ATP6V0E1: variants seen among roughly 807,000 people sequenced by gnomAD.
ATP6V0E1 encodes ATPase H+ transporting V0 subunit e1.
Under a neutral mutation model 11.6 loss-of-function variants are expected in ATP6V0E1, and 4 were observed. That is an observed-to-expected ratio of 0.35 (90% CI 0.17 to 0.79). The LOEUF (loss-of-function observed/expected upper bound fraction) is 0.79. ATP6V0E1 is among the 30% of genes least tolerant of loss of function. The pLI, the probability that ATP6V0E1 is intolerant of heterozygous loss-of-function variation, is 0.54. For missense variants in ATP6V0E1, 105 were observed against 100.0 expected (o/e 1.05, Z -0.21); for synonymous variants, 36 against 34.8 (o/e 1.04, Z -0.13).
chr5:172,988,314 C>T (rs1755928712), intron 1 of ATP6V0E1, among the ~76,000 whole-genome samples: 1 of 152,192 alleles, frequency 6.6e-6, no homozygotes, highest in Non-Finnish European at 1.5e-5. Flanking sequence ...GCTTTTCCTG[C>T]TCTTGGTTGG....
At chr5:173,024,421 A>T (rs567686240) in intron 3 of ATP6V0E1, among the ~76,000 whole-genome samples, 3 of 151,404 alleles carry the variant, frequency 2.0e-5, no homozygotes, top group Non-Finnish European at 4.4e-5. Flanking sequence ...TGTCTGTGAG[A>T]ACCTGTTTAG....
At chr5:173,032,338 A>G (rs568197390) in intron 3 of ATP6V0E1, among the ~76,000 whole-genome samples, 41 of 150,458 alleles carry the variant, frequency 2.7e-4, no homozygotes, top group Admixed American at 1.6e-3. Flanking sequence ...CCCAGGCTGG[A>G]GTCCAATGGT....
At chr5:173,029,466 A>C (rs1440537834) in intron 3 of ATP6V0E1, among the ~76,000 whole-genome samples, 1 of 151,776 alleles carries the variant, frequency 6.6e-6, no homozygotes, top group Non-Finnish European at 1.5e-5. Context: ...TTCCTCCTTC[A>C]GGCACCCTGA....
chr5:173,017,951 G>C (rs561621449), intron 2 of ATP6V0E1, among the ~76,000 whole-genome samples: 41 of 152,050 alleles, frequency 2.7e-4, no homozygotes, highest in Admixed American at 1.6e-3. Flanking sequence ...CAGATTGGTA[G>C]TTGGAGGTTG....
intron 2 of ATP6V0E1, among the ~76,000 whole-genome samples, chr5:172,996,436 C>A (rs926019223): frequency 6.6e-6 from 1 of 151,990 alleles, no homozygotes; most frequent in South Asian, 2.1e-4. Flanking sequence ...GTGGCGCACA[C>A]CTGTAGTCCC....
chr5:173,028,906 A>G (rs1756601295), intron 3 of ATP6V0E1, among the ~76,000 whole-genome samples: 1 of 152,182 alleles, frequency 6.6e-6, no homozygotes, highest in Non-Finnish European at 1.5e-5. Flanking sequence ...TGCTGCTACC[A>G]TGGAATCTCC....
At position 172,986,331 on chromosome 5, in the gene ATP6V0E1, A is replaced by G. The variant is rs996752767; in HGVS notation, c.104+2367A>G. Among the ~76,000 whole-genome samples the G allele has an allele frequency of 4.6e-5, 7 of 152,202 alleles. No homozygotes were observed. In the East Asian group the frequency reaches 1.3e-3, roughly 29 times the overall value. On this transcript the variant is annotated intron_variant, in intron 1 of 3. Coordinates refer to ENST00000519374, the MANE Select transcript of ATP6V0E1 (RefSeq NM_003945.4). ...TTAACTTTTTGACTCTTGTACTAAC[A>G]CTTGGCTTAAAACACAAGCAAGGCT...
chr5:172,984,843 T>C (rs914160614), intron 1 of ATP6V0E1, among the ~76,000 whole-genome samples: 1 of 152,244 alleles, frequency 6.6e-6, no homozygotes, highest in Admixed American at 6.5e-5. Context: ...GCTTTATTCT[T>C]GAACCTAATT....
intron 2 of ATP6V0E1, among the ~76,000 whole-genome samples, chr5:173,013,574 CAA>C (rs35084966): frequency 0.086 from 5,266 of 61,336 alleles, 226 homozygotes; most frequent in African/African-American, 0.23. Flanking sequence ...GACTCCATCT[CAA>C]AAAAAAAAAA....
chr5:173,031,233 C>T (rs553134648), intron 3 of ATP6V0E1, among the ~76,000 whole-genome samples: 32 of 151,568 alleles, frequency 2.1e-4, no homozygotes, highest in African/African-American at 6.8e-4. Context: ...CGTGAGCCAC[C>T]GTGCCCGGCC....
intron 3 of ATP6V0E1, among the ~76,000 whole-genome samples, chr5:173,026,191 T>C (rs958769681): frequency 3.9e-5 from 6 of 152,018 alleles, no homozygotes; most frequent in African/African-American, 9.7e-5. Flanking sequence ...AGACAGTGTT[T>C]CGCTTTGTTG....
chr5:173,026,332 C>A lies in ATP6V0E1; in HGVS notation c.*36+5965C>A, dbSNP rs139748278. Among the ~76,000 whole-genome samples, 900 of 152,256 alleles carry A rather than the reference C, an allele frequency of 5.9e-3. 10 individuals carry two copies. The highest frequency in any genetic ancestry group is 0.021 in the African/African-American group (853 of 41,550). ...TTATTATTTCCCCTGGCAGTTTCGT[C>A]ACCAGTTTGATACACAATTAGACTA... is the stretch of plus-strand genomic sequence containing the variant. On this transcript the variant is annotated intron_variant, in intron 3 of 3. Coordinates refer to ENST00000519374, the MANE Select transcript of ATP6V0E1 (RefSeq NM_003945.4).
At chr5:172,997,928 G>A (rs1187683349) in intron 2 of ATP6V0E1, among the ~76,000 whole-genome samples, 1 of 151,892 alleles carries the variant, frequency 6.6e-6, no homozygotes, top group Non-Finnish European at 1.5e-5. Flanking sequence ...ACCAGCCTGA[G>A]CAACATGTTG....
At chr5:173,017,663 A>T (rs931121391) in intron 2 of ATP6V0E1, among the ~76,000 whole-genome samples, 4 of 152,024 alleles carry the variant, frequency 2.6e-5, no homozygotes, top group Non-Finnish European at 4.4e-5. Flanking sequence ...CAACATAGTG[A>T]AACCTCTTCT....
In ATP6V0E1 at chr5:173,011,715, A is replaced by G. The variant is rs185108886; in HGVS notation, c.153-8523A>G. Among the ~76,000 whole-genome samples, 564 of 152,316 alleles carry G rather than the reference A, an allele frequency of 3.7e-3. 2 individuals are homozygous for G. Among genetic ancestry groups the G allele is most frequent in the African/African-American group, 0.013 (540 of 41,568 alleles). On this transcript the variant is annotated intron_variant, in intron 2 of 3. Transcript: ENST00000519374. ...CACCATAGCTGCCTCAATTGTTTGA[A>G]TAATCTCAGATTGGTTATTAAGGCT...
intron 2 of ATP6V0E1, among the ~76,000 whole-genome samples, chr5:173,009,191 G>A (rs550309469): frequency 1.2e-4 from 18 of 151,390 alleles, no homozygotes; most frequent in Admixed American, 9.2e-4. Flanking sequence ...GCACCACTGC[G>A]CTCCAGCCTG....
rs139010943 is a variant in ATP6V0E1 at position 173,001,235 on chromosome 5, CT to C, written c.152+6414del. 3.6e-3 allele frequency among the ~76,000 whole-genome samples: 549 copies of C among 152,202 alleles called. 11 individuals carry two copies. The East Asian group carries it at 0.064, about 18-fold the overall frequency. ...GTGAATAAACAAAGTAGACAACCCC[CT>C]GTCCTCTTTAATAAGGAGAAGCAGA... On this transcript the variant is annotated intron_variant, in intron 2 of 3. Coordinates refer to ENST00000519374, the MANE Select transcript of ATP6V0E1 (RefSeq NM_003945.4).
chr5:173,020,061 G>A (rs984347869), intron 2 of ATP6V0E1, among the ~76,000 whole-genome samples, 177 bp from the exon 3 acceptor site: 3 of 152,152 alleles, frequency 2.0e-5, no homozygotes, highest in East Asian at 1.9e-4. Flanking sequence ...GGCAGGCTAC[G>A]TCCTGGGAAA....
intron 3 of ATP6V0E1, among the ~76,000 whole-genome samples, chr5:173,023,415 C>A (rs1756512389): frequency 6.6e-6 from 1 of 152,240 alleles, no homozygotes. Context: ...AGGCTGGTCT[C>A]AAACTCCTGA....
Sources: gnomAD v4.1 joint callset for allele counts (sites outside exome capture counted in the v4.1 genomes callset) on GRCh38, gnomAD v4.1.1 for gene constraint, MANE v1.5 for transcripts, NCBI Gene and HGNC (gene_info 2026-07-23, HGNC 2026-07-21) for gene names.